Variants in GAB1 observed in about 807,000 individuals in gnomAD.
The protein encoded by GAB1 is GRB2 associated binding protein 1.
In GAB1, 19 loss-of-function variants were observed where a neutral mutation model predicts 66.5. The ratio of observed to expected loss-of-function variants is 0.29; its 90% confidence interval spans 0.20 to 0.42. The LOEUF (loss-of-function observed/expected upper bound fraction) is 0.42. GAB1 is among the 10% of genes least tolerant of loss of function. The pLI, the probability that GAB1 is intolerant of heterozygous loss-of-function variation, is 1.00. For missense variants in GAB1, 732 were observed against 858.5 expected, an observed-to-expected ratio of 0.85 and a Z score of 1.84; for synonymous variants, 294 against 301.4, an observed-to-expected ratio of 0.98 and a Z score of 0.25.
chr4:143,428,851 G>A (rs1291416656), intron 2 of GAB1, among the ~76,000 whole-genome samples: 1 of 114,426 alleles, frequency 8.7e-6, no homozygotes, highest in African/African-American at 3.2e-5. Context: ...CCTGTTGTGG[G>A]GTGGGGGGAG....
intron 1 of GAB1, among the ~76,000 whole-genome samples, chr4:143,373,864 A>ATATATATATATATATATAT (rs1553945752): frequency 2.0e-5 from 1 of 50,802 alleles, no homozygotes; most frequent in Admixed American, 1.8e-4. Context: ...TCTGTAAATA[A>ATATATATATATATATATAT]ATAAATATAT....
chr4:143,468,208 C>CTTTTTT (rs780138131), intron 9 of GAB1, among the ~76,000 whole-genome samples: 30 of 70,064 alleles, frequency 4.3e-4, no homozygotes, highest in African/African-American at 6.1e-4. Context: ...AGTTTGAATT[C>CTTTTTT]TTTTTTTTTT....
intron 2 of GAB1, chr4:143,426,010 A>T: frequency 1.6e-6 from 1 of 631,302 alleles, no homozygotes; most frequent in Non-Finnish European, 2.8e-6. Context: ...AAATTACAAA[A>T]AAAGAAAAAA....
At chr4:143,410,438 G>A (rs1732320673) in intron 1 of GAB1, among the ~76,000 whole-genome samples, 1 of 152,272 alleles carries the variant, frequency 6.6e-6, no homozygotes, top group Admixed American at 6.5e-5. Context: ...AATGGCTTGG[G>A]GTTAATCCAG....
chr4:143,400,286 CAG>C (rs973633483), intron 1 of GAB1, among the ~76,000 whole-genome samples: 5 of 152,046 alleles, frequency 3.3e-5, no homozygotes, highest in Non-Finnish European at 7.4e-5. Flanking sequence ...GTTTTGAGAA[CAG>C]AGCAGCAAAG....
chr4:143,385,644 A>G (rs1021335854), intron 1 of GAB1, among the ~76,000 whole-genome samples: 1 of 152,140 alleles, frequency 6.6e-6, no homozygotes, highest in African/African-American at 2.4e-5. Context: ...GATGATCTAC[A>G]AGTTGTACAG....
chr4:143,466,696 G>A (rs1408041300), intron 9 of GAB1, among the ~76,000 whole-genome samples: 2 of 151,722 alleles, frequency 1.3e-5, no homozygotes, highest in African/African-American at 4.8e-5. Context: ...CACCATGTTG[G>A]CCAGAATGGT....
intron 1 of GAB1, among the ~76,000 whole-genome samples, chr4:143,402,474 T>C (rs1168790289): frequency 6.6e-6 from 1 of 152,196 alleles, no homozygotes. Context: ...TTTTCTCTAT[T>C]TCACCAGCAT....
intron 1 of GAB1, among the ~76,000 whole-genome samples, chr4:143,351,235 A>G (rs574391942): frequency 1.3e-5 from 2 of 152,292 alleles, no homozygotes; most frequent in Non-Finnish European, 2.9e-5. Flanking sequence ...GAAGAATTGG[A>G]TCACACGTGG....
At chr4:143,360,240 T>A (rs1729608232) in intron 1 of GAB1, among the ~76,000 whole-genome samples, 1 of 152,220 alleles carries the variant, frequency 6.6e-6, no homozygotes, top group Non-Finnish European at 1.5e-5. Flanking sequence ...CACATCAATT[T>A]TAAAAAACCG....
intron 1 of GAB1, among the ~76,000 whole-genome samples, chr4:143,357,508 G>A (rs1176006535): frequency 6.6e-6 from 1 of 152,118 alleles, no homozygotes; most frequent in East Asian, 1.9e-4. Context: ...CAGGTGAGGG[G>A]AGTATCAAAA....
intron 4 of GAB1, 76 bp from the exon 5 acceptor site, chr4:143,439,726 G>A (rs2149757559): frequency 1.0e-6 from 1 of 959,792 alleles, no homozygotes; most frequent in Admixed American, 1.8e-5. Context: ...ATGAGAGAAA[G>A]ATAATAGGTC....
At chr4:143,373,377 ATAAT>A (rs1165973034) in intron 1 of GAB1, among the ~76,000 whole-genome samples, 1 of 152,218 alleles carries the variant, frequency 6.6e-6, no homozygotes, top group African/African-American at 2.4e-5. Flanking sequence ...TAGCAGCTCA[ATAAT>A]TAATCCTGTT....
At position 143,438,528 on chromosome 4, in the gene GAB1, A is replaced by G; in HGVS notation, c.1123A>G (p.Ile375Val). The G allele has an allele frequency of 6.2e-7, 1 of 1,614,034 alleles. No homozygotes were observed. The highest frequency in any genetic ancestry group is 1.1e-5 in the South Asian group (1 of 91,084). ...CTCAGACACTGACAGTAGTTACTGT[A>G]TCCCTACAGCAGGGATGTCGCCTTC... ...TASDTDSSYC[I>V]PTAGMSPSRS... is the part of the protein sequence containing the mutation. Residue 375 changes from isoleucine (I) to valine (V), a missense_variant, in exon 4 of 10, where the codon ATC (isoleucine) becomes GTC (valine). Physicochemically the swap from Ile to Val is conservative, Grantham distance 29. Around this residue, in one of 4 missense-constraint regions of GAB1, gnomAD observed 427 missense variants for 420.6 expected, o/e 1.02. Transcript: ENST00000262994.
rs541068743 is a variant in GAB1, at chr4:143,438,221, G to C, written c.816G>C (p.Lys272Asn). The C allele has an allele frequency of 2.5e-6, 4 of 1,614,028 alleles. No individual in the cohort carries two copies. In the South Asian group the frequency reaches 4.4e-5, roughly 18 times the overall value. ...GTTATTCCCATGATGTTTTACCAAA[G>C]GTGTCTCCATCAAGTACTGAAGCAG... ...PRSYSHDVLP[K>N]VSPSSTEADG... The change falls in exon 4 of 10, where the codon AAG (lysine) becomes AAC (asparagine). Residue 272 changes from lysine (K) to asparagine (N), a missense_variant. By Grantham distance (94) the Lys-to-Asn change is moderately conservative. Coordinates refer to ENST00000262994, the MANE Select transcript of GAB1 (RefSeq NM_002039.4).
intron 1 of GAB1, among the ~76,000 whole-genome samples, chr4:143,338,562 C>T (rs1385642080): frequency 6.6e-6 from 1 of 152,210 alleles, no homozygotes; most frequent in Non-Finnish European, 1.5e-5. Flanking sequence ...TGCCACAAAT[C>T]ATAAGAAAGC....
At chr4:143,367,410 T>C (rs1461078587) in intron 1 of GAB1, among the ~76,000 whole-genome samples, 3 of 152,142 alleles carry the variant, frequency 2.0e-5, no homozygotes, top group Admixed American at 2.0e-4. Context: ...AGTCCTAAGT[T>C]TAAAAGGGAG....
chr4:143,409,388 C>T (rs1481557687), intron 1 of GAB1, among the ~76,000 whole-genome samples: 1 of 141,398 alleles, frequency 7.1e-6, no homozygotes, highest in Non-Finnish European at 1.5e-5. Context: ...TTGAACTTTC[C>T]CCCCCCCCGC....
chr4:143,382,679 T>C (rs908642734), intron 1 of GAB1, among the ~76,000 whole-genome samples: 20 of 152,160 alleles, frequency 1.3e-4, no homozygotes, highest in African/African-American at 4.8e-4. Flanking sequence ...AAGAAGAGAC[T>C]GTCAGAGAAA....
Sources: allele counts gnomAD v4.1 joint callset (sites outside exome capture counted in the v4.1 genomes callset), GRCh38; gene constraint gnomAD v4.1.1; regional missense constraint gnomAD v4.1.1; transcripts MANE v1.5; gene names NCBI Gene and HGNC (gene_info 2026-07-23, HGNC 2026-07-21).